Variants in TGFA observed in about 807,000 individuals in gnomAD.
TGFA encodes transforming growth factor alpha.
Under a neutral mutation model 21.7 loss-of-function variants are expected in TGFA, and 12 were observed. The observed-to-expected ratio is 0.55, with a 90% CI of 0.35 to 0.90. The LOEUF is 0.90. Ranked by LOEUF, TGFA falls within the 40% of genes least tolerant of loss-of-function variation. The pLI is 0.01. For synonymous variants in TGFA, 79 were observed against 88.1 expected, an observed-to-expected ratio of 0.90 and a Z score of 0.58; for missense variants, 178 against 210.8, an observed-to-expected ratio of 0.84 and a Z score of 0.96.
At chr2:70,550,270 C>G (rs1673448782) in intron 1 of TGFA, among the ~76,000 whole-genome samples, 1 of 152,038 alleles carries the variant, frequency 6.6e-6, no homozygotes, top group African/African-American at 2.4e-5. Flanking sequence ...ATTTTGTGTG[C>G]AGTCCTTATT....
chr2:70,518,536 C>A lies in TGFA; in HGVS notation c.41-3624G>T, dbSNP rs190162131. ...TGAGTCCCCAGAAGTGGAGCCATCC[C>A]AAAACCTATGTGCTGATGTGTCAAT... On this transcript the variant is annotated intron_variant, in intron 1 of 5. Transcript: ENST00000295400. Among the ~76,000 whole-genome samples, 158 of 152,248 alleles carry A rather than the reference C, an allele frequency of 1.0e-3. 2 individuals are homozygous for A. The highest frequency in any genetic ancestry group is 1.9e-4 in the Non-Finnish European group (13 of 68,010).
chr2:70,511,842 G>A (rs897021134), intron 2 of TGFA, among the ~76,000 whole-genome samples: 5 of 151,548 alleles, frequency 3.3e-5, no homozygotes, highest in South Asian at 2.1e-4. Context: ...GTGGATGAAG[G>A]TTTCTCTAAT....
chr2:70,503,970 C>T (rs1337054200), intron 2 of TGFA, among the ~76,000 whole-genome samples: 1 of 152,216 alleles, frequency 6.6e-6, no homozygotes. Flanking sequence ...CCTACTGACA[C>T]AGTCATCTTC....
chr2:70,529,593 C>CG (rs1553503470), intron 1 of TGFA, among the ~76,000 whole-genome samples: 1,973 of 151,664 alleles, frequency 0.013, 50 homozygotes, highest in African/African-American at 0.045. Flanking sequence ...GTGAATCCCC[C>CG]CGCCCCAGTC....
At chr2:70,472,824 A>G (rs1553493515) in intron 2 of TGFA, among the ~76,000 whole-genome samples, 1 of 152,240 alleles carries the variant, frequency 6.6e-6, no homozygotes, top group Non-Finnish European at 1.5e-5. Flanking sequence ...CATCATTTAC[A>G]GCCATTTCAT....
intron 2 of TGFA, among the ~76,000 whole-genome samples, chr2:70,511,606 C>T (rs568569426): frequency 1.3e-5 from 2 of 151,650 alleles, no homozygotes; most frequent in African/African-American, 4.9e-5. Context: ...ATCATCATTG[C>T]CTTTCTGGTG....
chr2:70,551,497 T>G (rs62151613), intron 1 of TGFA, among the ~76,000 whole-genome samples: 38,543 of 151,986 alleles, frequency 0.25, 5,077 homozygotes, highest in Admixed American at 0.35. Context: ...AGATCTCGGG[T>G]AGCGATGGAA....
intron 1 of TGFA, among the ~76,000 whole-genome samples, chr2:70,537,206 A>G (rs1354709169): frequency 2.6e-5 from 4 of 152,138 alleles, no homozygotes; most frequent in Non-Finnish European, 5.9e-5. Context: ...CAGCAAACTT[A>G]GCTGATCAAT....
intron 1 of TGFA, among the ~76,000 whole-genome samples, chr2:70,528,344 C>T (rs1265790626): frequency 6.6e-6 from 1 of 152,156 alleles, no homozygotes; most frequent in Admixed American, 6.5e-5. Flanking sequence ...AAGCAATGAC[C>T]AGCTTCGGTC....
At chr2:70,547,152 T>C (rs1341895374) in intron 1 of TGFA, among the ~76,000 whole-genome samples, 1 of 152,192 alleles carries the variant, frequency 6.6e-6, no homozygotes, top group Non-Finnish European at 1.5e-5. Context: ...CGGTTAATAT[T>C]CCCACAACAA....
intron 1 of TGFA, among the ~76,000 whole-genome samples, chr2:70,519,522 G>A (rs1309146287): frequency 2.0e-5 from 3 of 152,184 alleles, no homozygotes; most frequent in Admixed American, 6.5e-5. Context: ...TGATTAAGAA[G>A]GAAAAAGGGA....
At chr2:70,523,321 G>A (rs1300131892) in intron 1 of TGFA, among the ~76,000 whole-genome samples, 2 of 152,274 alleles carry the variant, frequency 1.3e-5, no homozygotes, top group South Asian at 2.1e-4. Flanking sequence ...CATTGTGAAC[G>A]TTCGTTGTGA....
At chr2:70,473,944 T>C (rs3821264) in intron 2 of TGFA, among the ~76,000 whole-genome samples, 83,551 of 151,880 alleles carry the variant, frequency 0.55, 23,337 homozygotes, top group African/African-American at 0.64. Context: ...TTTGTCTCTA[T>C]CATTCCCCAA....
At chr2:70,502,421 C>T (rs1318804391) in intron 2 of TGFA, among the ~76,000 whole-genome samples, 2 of 152,180 alleles carry the variant, frequency 1.3e-5, no homozygotes, top group African/African-American at 4.8e-5. Flanking sequence ...CTCACTGCAA[C>T]CTTCGCTTCC....
At chr2:70,452,219 G>A (rs1351973980) in intron 5 of TGFA, among the ~76,000 whole-genome samples, 1 of 152,082 alleles carries the variant, frequency 6.6e-6, no homozygotes, top group Non-Finnish European at 1.5e-5. Context: ...GACCCACTAT[G>A]TCCTCAAGAA....
chr2:70,545,582 C>G (rs1481373871), intron 1 of TGFA, among the ~76,000 whole-genome samples: 3 of 152,080 alleles, frequency 2.0e-5, no homozygotes, highest in Admixed American at 6.5e-5. Flanking sequence ...AGTTACATCT[C>G]ACAACATACC....
rs1670233636 is a variant in TGFA, at chr2:70,456,501, G to A, written c.216-13C>T. 6.3e-7 allele frequency: 1 copy of A among 1,597,240 alleles called. No homozygotes were observed. Among genetic ancestry groups the A allele is most frequent in the Non-Finnish European group, 8.5e-7 (1 of 1,171,960 alleles). ...CCCAGAATGGCAGCTGGGGAAGAAAGGAACGTCAGTGCACTCTCCTGACAA... is the reference window on the plus strand; with the variant it reads ...CCCAGAATGGCAGCTGGGGAAGAAAAGAACGTCAGTGCACTCTCCTGACAA... On this transcript the variant is annotated splice_polypyrimidine_tract_variant and intron_variant, in intron 3 of 5. Transcript: ENST00000295400.
chr2:70,514,611 T>C (rs1672210405), intron 2 of TGFA, among the ~76,000 whole-genome samples: 1 of 152,042 alleles, frequency 6.6e-6, no homozygotes, highest in South Asian at 2.1e-4. Flanking sequence ...ACAGGAATTG[T>C]CTGAACAGCT....
intron 2 of TGFA, among the ~76,000 whole-genome samples, chr2:70,505,530 A>C (rs1671896786): frequency 6.6e-6 from 1 of 152,192 alleles, no homozygotes; most frequent in Non-Finnish European, 1.5e-5. Flanking sequence ...ATACCCGACA[A>C]GTTTCACTTT....
Sources: gnomAD v4.1 joint callset for allele counts (sites outside exome capture counted in the v4.1 genomes callset) on GRCh38, gnomAD v4.1.1 for gene constraint, MANE v1.5 for transcripts, NCBI Gene and HGNC (gene_info 2026-07-23, HGNC 2026-07-21) for gene names.